Variants in ASIC2 observed in about 807,000 individuals in gnomAD.
ASIC2 encodes acid sensing ion channel subunit 2, also known as acid-sensing ion channel 2.
Under a neutral mutation model 57.3 loss-of-function variants are expected in ASIC2, and 25 were observed. That is an observed-to-expected ratio of 0.44 (90% CI 0.32 to 0.61). ASIC2 has a LOEUF of 0.61. ASIC2 is among the 20% of genes least tolerant of loss of function. ASIC2 has a pLI of 0.06. For missense variants in ASIC2, 641 were observed against 738.1 expected, an observed-to-expected ratio of 0.87 and a Z score of 1.52; for synonymous variants, 319 against 307.5, an observed-to-expected ratio of 1.04 and a Z score of -0.39.
At chr17:33,275,258 G>A (rs897751438) in intron 1 of ASIC2, among the ~76,000 whole-genome samples, 30 of 152,118 alleles carry the variant, frequency 2.0e-4, no homozygotes, top group African/African-American at 7.2e-4. Flanking sequence ...CCACCCAGAA[G>A]TCATATACCA....
rs1384529489 is a variant in ASIC2, at chr17:33,291,542, G to A, written c.574C>T (p.Arg192Cys). The change falls in exon 1 of 10, where the codon CGC becomes TGC. Residue 192 changes from arginine (R) to cysteine (C), a missense_variant. By Grantham distance (180) the Arg-to-Cys change is radical. Around this residue, in one of 3 missense-constraint regions of ASIC2, gnomAD observed 382 missense variants for 398.0 expected, o/e 0.96. Coordinates refer to ENST00000225823, the MANE Select transcript of ASIC2 (RefSeq NM_183377.2). Reference sequence around the variant, plus strand: ...AAGTGGCGCGGAGGCAGGAAGAGGCGGAAGTCCGCCAGCTTGCGGAACCAC... The same window carrying A: ...AAGTGGCGCGGAGGCAGGAAGAGGCAGAAGTCCGCCAGCTTGCGGAACCAC... ...RQWFRKLADF[R>C]LFLPPRHFEG... The A allele has an allele frequency of 1.9e-6, 3 of 1,612,124 alleles. No individual in the cohort carries two copies. Among genetic ancestry groups the A allele is most frequent in the Non-Finnish European group, 2.5e-6 (3 of 1,179,628 alleles).
At chr17:34,083,365 TG>T (rs775551844) in intron 1 of ASIC2, among the ~76,000 whole-genome samples, 12 of 152,018 alleles carry the variant, frequency 7.9e-5, no homozygotes, top group Non-Finnish European at 1.3e-4. Context: ...TCATTTTTTA[TG>T]GCTGCATAGT....
intron 1 of ASIC2, among the ~76,000 whole-genome samples, chr17:34,068,844 C>G (rs1909273963): frequency 6.6e-6 from 1 of 152,200 alleles, no homozygotes; most frequent in South Asian, 2.1e-4. Flanking sequence ...TGGTGGCTGT[C>G]TTCCCTAACT....
At chr17:33,781,013 G>A (rs535391461) in intron 1 of ASIC2, among the ~76,000 whole-genome samples, 1 of 152,320 alleles carries the variant, frequency 6.6e-6, no homozygotes, top group South Asian at 2.1e-4. Flanking sequence ...GTGAGGATCG[G>A]GGGTAATGAG....
chr17:33,711,064 C>T (rs1909019180), intron 1 of ASIC2, among the ~76,000 whole-genome samples: 1 of 152,152 alleles, frequency 6.6e-6, no homozygotes, highest in South Asian at 2.1e-4. Flanking sequence ...GATCCTCCCA[C>T]CTCAGCCTCC....
chr17:33,720,024 G>T (rs1909339836), intron 1 of ASIC2, among the ~76,000 whole-genome samples: 1 of 152,168 alleles, frequency 6.6e-6, no homozygotes, highest in Non-Finnish European at 1.5e-5. Context: ...GGGAATACAG[G>T]TGTGCACTTC....
Position 33,105,789 on chromosome 17 carries a change from T to C in ASIC2, c.859+6128A>G, listed in dbSNP as rs147397109. On this transcript the variant is annotated intron_variant, in intron 2 of 9. Transcript: ENST00000225823. ...CAATGAAGTCCAGGCTGAGGTGGTC[T>C]CAGATGGAGATGAGGAACTTGTTGA... Among the ~76,000 whole-genome samples, 263 of 152,250 alleles carry C rather than the reference T, an allele frequency of 1.7e-3. 2 individuals are homozygous for C. The highest frequency in any genetic ancestry group is 5.8e-3 in the African/African-American group (243 of 41,546).
chr17:33,382,526 T>C (rs1909525639), intron 1 of ASIC2, among the ~76,000 whole-genome samples: 1 of 152,152 alleles, frequency 6.6e-6, no homozygotes, highest in African/African-American at 2.4e-5. Flanking sequence ...TTCAGCCCCA[T>C]ACTATGTGAA....
chr17:34,088,911 G>A (rs1187355472), intron 1 of ASIC2, among the ~76,000 whole-genome samples: 5 of 152,220 alleles, frequency 3.3e-5, no homozygotes, highest in Admixed American at 2.6e-4. Flanking sequence ...TTGGGTGGGA[G>A]TGACACGATT....
At chr17:34,101,070 G>A (rs1910847034) in intron 1 of ASIC2, among the ~76,000 whole-genome samples, 1 of 152,154 alleles carries the variant, frequency 6.6e-6, no homozygotes, top group Non-Finnish European at 1.5e-5. Flanking sequence ...CTTATAAAAT[G>A]CCTGAAATAT....
chr17:33,400,981 G>T (rs1021852659), intron 1 of ASIC2, among the ~76,000 whole-genome samples: 7 of 152,154 alleles, frequency 4.6e-5, no homozygotes, highest in Non-Finnish European at 1.0e-4. Context: ...TTCTCACACT[G>T]CACCTCTAAA....
intron 1 of ASIC2, among the ~76,000 whole-genome samples, chr17:33,684,369 C>T (rs1908111335): frequency 6.6e-6 from 1 of 151,994 alleles, no homozygotes; most frequent in Non-Finnish European, 1.5e-5. Flanking sequence ...AGCTGACTAC[C>T]CAAGTGCAGA....
intron 1 of ASIC2, among the ~76,000 whole-genome samples, chr17:33,245,424 G>A (rs1337070447): frequency 2.0e-5 from 3 of 152,166 alleles, no homozygotes; most frequent in Non-Finnish European, 4.4e-5. Flanking sequence ...ACAGCTGTTT[G>A]CTGAGCATCC....
intron 1 of ASIC2, chr17:34,038,658 C>T: frequency 1.3e-6 from 2 of 1,588,608 alleles, no homozygotes; most frequent in Non-Finnish European, 8.6e-7. Context: ...TCTAGCCTCT[C>T]CAGCTCTGCC....
chr17:33,234,105 G>C (rs1383860731), intron 1 of ASIC2, among the ~76,000 whole-genome samples: 1 of 152,214 alleles, frequency 6.6e-6, no homozygotes, highest in African/African-American at 2.4e-5. Flanking sequence ...CCATGTTCCT[G>C]GGGAATGCAT....
At chr17:33,789,286 C>T (rs1385181022) in intron 1 of ASIC2, among the ~76,000 whole-genome samples, 1 of 152,282 alleles carries the variant, frequency 6.6e-6, no homozygotes, top group Non-Finnish European at 1.5e-5. Flanking sequence ...AGATATCTCA[C>T]AGGAGAAGGA....
chr17:33,238,470 T>C (rs959481104), intron 1 of ASIC2, among the ~76,000 whole-genome samples: 2 of 152,224 alleles, frequency 1.3e-5, no homozygotes, highest in African/African-American at 4.8e-5. Flanking sequence ...ACGCTGCTGC[T>C]TGGCTCAAAA....
intron 1 of ASIC2, among the ~76,000 whole-genome samples, chr17:33,770,987 C>A (rs1911087416): frequency 6.6e-6 from 1 of 152,146 alleles, no homozygotes; most frequent in Non-Finnish European, 1.5e-5. Context: ...TACCCAGGAC[C>A]ACTACTGCTA....
intron 1 of ASIC2, among the ~76,000 whole-genome samples, chr17:33,355,251 T>C (rs1307969947): frequency 6.6e-6 from 1 of 152,156 alleles, no homozygotes; most frequent in Non-Finnish European, 1.5e-5. Flanking sequence ...GACAATCACT[T>C]GAACCCAGGA....
Sources: allele counts gnomAD v4.1 joint callset (sites outside exome capture counted in the v4.1 genomes callset), GRCh38; gene constraint gnomAD v4.1.1; regional missense constraint gnomAD v4.1.1; transcripts MANE v1.5; gene names NCBI Gene and HGNC (gene_info 2026-07-23, HGNC 2026-07-21).